SYNRG: variants seen among roughly 807,000 people sequenced by gnomAD.
SYNRG encodes the protein AP1 gamma subunit binding protein 1.
SYNRG carries 37 observed loss-of-function variants against 130.9 expected under a neutral mutation model. That is an observed-to-expected ratio of 0.28 (90% confidence interval 0.22 to 0.37). The LOEUF is 0.37. SYNRG is among the 10% of genes least tolerant of loss of function. The pLI is 1.00. For synonymous variants in SYNRG, 539 were observed against 568.1 expected (o/e 0.95, Z 0.73); for missense variants, 1,338 against 1,588.9 (o/e 0.84, Z 2.68).
intron 14 of SYNRG, among the ~76,000 whole-genome samples, chr17:37,551,875 C>CAAAAAAAA (rs11401626): frequency 1.2e-5 from 1 of 86,064 alleles, no homozygotes; most frequent in African/African-American, 3.3e-5. Flanking sequence ...AGGAAAAGTA[C>CAAAAAAAA]AAAAAAAAAA....
At chr17:37,538,512 GGA>G in intron 17 of SYNRG, 92 bp from the exon 18 acceptor site, 1 of 812,374 alleles carries the variant, frequency 1.2e-6, no homozygotes, top group Non-Finnish European at 2.0e-6. Context: ...CGAAAAGCCA[GGA>G]GGTGTCAAAA....
chr17:37,586,784 C>T (rs2061725773), intron 3 of SYNRG, among the ~76,000 whole-genome samples: 1 of 152,164 alleles, frequency 6.6e-6, no homozygotes, highest in African/African-American at 2.4e-5. Flanking sequence ...CCCCTCCATT[C>T]CCTTCACTGT....
chr17:37,593,741 G>A (rs1385389867), intron 3 of SYNRG, among the ~76,000 whole-genome samples: 14 of 151,746 alleles, frequency 9.2e-5, no homozygotes, highest in African/African-American at 1.9e-4. Flanking sequence ...AAAATTAGCC[G>A]GGCGTGGTGG....
Position 37,519,051 on chromosome 17 carries a change from GTCTGTT to G in SYNRG, c.3828_3833del (p.Glu1276_Thr1277del). On this transcript the variant is annotated inframe_deletion, in exon 22 of 22. Coordinates refer to ENST00000612223, the MANE Select transcript of SYNRG (RefSeq NM_007247.6). ...GCCCTCCATAGGCCAGCTTGAAACT[GTCTGTT>G]TCTGAGTTGAATGCCTGCCAGAAAT... is the stretch of plus-strand genomic sequence containing the variant. 2 of 1,613,964 alleles carry G rather than the reference GTCTGTT, an allele frequency of 1.2e-6. No individual in the cohort carries two copies. The highest frequency in any genetic ancestry group is 1.7e-6 in the Non-Finnish European group (2 of 1,179,862).
chr17:37,544,309 T>G (rs991485672), intron 14 of SYNRG, among the ~76,000 whole-genome samples: 104 of 152,206 alleles, frequency 6.8e-4, no homozygotes, highest in African/African-American at 2.3e-3. Context: ...GAAAAGTTTT[T>G]TTTTTTTTTT....
At chr17:37,594,218 A>G (rs1255293369) in intron 3 of SYNRG, among the ~76,000 whole-genome samples, 4 of 144,500 alleles carry the variant, frequency 2.8e-5, no homozygotes, top group Non-Finnish European at 6.0e-5. Context: ...AATATTAATT[A>G]TTTTAATTAT....
chr17:37,527,177 T>TG (rs1292033266), intron 19 of SYNRG, among the ~76,000 whole-genome samples: 2 of 152,240 alleles, frequency 1.3e-5, no homozygotes, highest in Non-Finnish European at 2.9e-5. Context: ...CCTGTATGAT[T>TG]GCCAGTTGAC....
chr17:37,541,045 G>C (rs967544688), intron 15 of SYNRG: 26 of 985,698 alleles, frequency 2.6e-5, no homozygotes, highest in Non-Finnish European at 1.9e-5. Context: ...TCTCTTGCAC[G>C]GTTTCCCTGC....
At position 37,590,869 on chromosome 17, in the gene SYNRG, G is replaced by A. The variant is rs541832555; in HGVS notation, c.241-4320C>T. On this transcript the variant is annotated intron_variant, in intron 3 of 21. Transcript: ENST00000612223. The stretch of plus-strand genomic sequence containing the variant: ...CAGGAGGCGGAGTCTGCAGTGAGTC[G>A]AGATCGCGCCACTGCACTCCAAGCC... Among the ~76,000 whole-genome samples, 13 of 152,186 alleles carry A rather than the reference G, an allele frequency of 8.5e-5. No individual in the cohort carries two copies. The South Asian group carries it at 1.2e-3, about 15-fold the overall frequency.
chr17:37,535,158 C>T lies in SYNRG; in HGVS notation c.3666+821G>A, dbSNP rs148514420. ...ATATATAAGGTCAATAACCATATTC[C>T]AAGGAATAAATGGTCAAATGGTCAG... On this transcript the variant is annotated intron_variant, in intron 19 of 21. Transcript: ENST00000612223. Among the ~76,000 whole-genome samples, 168 of 151,554 alleles carry T rather than the reference C, an allele frequency of 1.1e-3. 1 individual carries two copies. The highest frequency in any genetic ancestry group is 4.6e-3 in the Admixed American group (70 of 15,206).
intron 6 of SYNRG, among the ~76,000 whole-genome samples, chr17:37,584,106 A>G (rs2061526155): frequency 6.6e-6 from 1 of 152,162 alleles, no homozygotes; most frequent in Non-Finnish European, 1.5e-5. Context: ...CAATCCCTTT[A>G]CCCTGCTCTA....
chr17:37,575,460 AT>A (rs61321666), intron 8 of SYNRG, among the ~76,000 whole-genome samples: 1 of 129,674 alleles, frequency 7.7e-6, no homozygotes, highest in Non-Finnish European at 1.7e-5. Flanking sequence ...TTAAAAATAA[AT>A]TTTTTTTTGT....
intron 8 of SYNRG, 53 bp from the exon 9 acceptor site, chr17:37,572,040 T>C: frequency 6.8e-7 from 1 of 1,475,148 alleles, no homozygotes; most frequent in Non-Finnish European, 9.3e-7. Flanking sequence ...AGTGATTTAT[T>C]TTTTGGGATG....
intron 8 of SYNRG, among the ~76,000 whole-genome samples, chr17:37,573,793 A>G (rs993909482): frequency 6.6e-6 from 1 of 152,252 alleles, no homozygotes; most frequent in Non-Finnish European, 1.5e-5. Flanking sequence ...TGGAATAATC[A>G]ATGTTGTTAA....
chr17:37,572,036 T>A, intron 8 of SYNRG, 49 bp from the exon 9 acceptor site: 1 of 1,510,356 alleles, frequency 6.6e-7, no homozygotes, highest in Non-Finnish European at 9.0e-7. Context: ...TCCAAGTGAT[T>A]TATTTTTTGG....
At chr17:37,566,518 G>A (rs936786419) in intron 11 of SYNRG, among the ~76,000 whole-genome samples, 1 of 147,044 alleles carries the variant, frequency 6.8e-6, no homozygotes. Flanking sequence ...AGGGTCCTCT[G>A]CCTAGGAAAA....
intron 19 of SYNRG, among the ~76,000 whole-genome samples, chr17:37,526,720 C>T (rs956234678): frequency 1.3e-5 from 2 of 152,170 alleles, no homozygotes; most frequent in Non-Finnish European, 2.9e-5. Context: ...CTCTTCTTCT[C>T]TCTGCTTCTG....
intron 14 of SYNRG, among the ~76,000 whole-genome samples, chr17:37,548,767 G>A (rs1282427618): frequency 1.3e-5 from 2 of 149,392 alleles, no homozygotes; most frequent in African/African-American, 2.5e-5. Context: ...GCAGTGAGCC[G>A]AGATCCAAGA....
rs745573234 is a variant in SYNRG at position 37,570,695 on chromosome 17, A to C, written c.1289T>G (p.Val430Gly). The C allele has an allele frequency of 6.2e-7, 1 of 1,614,184 alleles. No homozygotes were observed. Among genetic ancestry groups the C allele is most frequent in the Non-Finnish European group, 8.5e-7 (1 of 1,180,022 alleles). ...AGAAGCCTGGGCTGCAGCTCCACCC[A>C]CTGGTCCAACAAGGTTAATGCCCAT... ...PVMGINLVGPVGGAAAQASSG... is the reference protein window; with the variant it reads ...PVMGINLVGPGGGAAAQASSG... Residue 430 changes from valine to glycine, a missense_variant, in exon 10 of 22, where the codon GTG (valine) becomes GGG (glycine). Transcript: ENST00000612223.
Sources: allele counts gnomAD v4.1 joint callset (sites outside exome capture counted in the v4.1 genomes callset), GRCh38; gene constraint gnomAD v4.1.1; transcripts MANE v1.5; gene names NCBI Gene and HGNC (gene_info 2026-07-23, HGNC 2026-07-21).